Variants in STK3 observed in about 807,000 individuals in gnomAD.
STK3 encodes serine/threonine kinase 3.
A neutral mutation model predicts 58.0 loss-of-function variants in STK3; 41 were observed. The ratio of observed to expected loss-of-function variants is 0.71; its 90% CI spans 0.55 to 0.92. The LOEUF (loss-of-function observed/expected upper bound fraction) is 0.92, where lower values mean the gene tolerates loss of function less well. Ranked by LOEUF, STK3 falls within the 40% of genes least tolerant of loss-of-function variation. STK3 has a pLI of 0.00. For synonymous variants in STK3, 170 were observed against 191.0 expected (o/e 0.89, Z 0.91); for missense variants, 479 against 602.7 (o/e 0.79, Z 2.15).
At position 98,689,796 on chromosome 8, in the gene STK3, A is replaced by G. The variant is rs115640297; in HGVS notation, c.684+16671T>C. On this transcript the variant is annotated intron_variant, in intron 6 of 10. Coordinates refer to ENST00000419617, the MANE Select transcript of STK3 (RefSeq NM_006281.4). ...AGCCTGTCTCAAGAAAAAAAAATTT[A>G]TATATATGAGCAAACCAAATCCAGC... is the stretch of plus-strand genomic sequence containing the variant. Among the ~76,000 whole-genome samples the G allele has an allele frequency of 4.2e-3, 646 of 152,130 alleles. 10 individuals carry two copies. The highest frequency in any genetic ancestry group is 0.015 in the African/African-American group (619 of 41,514).
intron 8 of STK3, among the ~76,000 whole-genome samples, chr8:98,548,942 A>C (rs1810943688): frequency 6.6e-6 from 1 of 152,160 alleles, no homozygotes; most frequent in Non-Finnish European, 1.5e-5. Context: ...GAAAAATTTC[A>C]TTCCTTTTTA....
chr8:98,785,036 C>T (rs1252759921), intron 1 of STK3, among the ~76,000 whole-genome samples: 1 of 152,190 alleles, frequency 6.6e-6, no homozygotes, highest in East Asian at 1.9e-4. Flanking sequence ...CTCCATCCTT[C>T]TATACATAGA....
At chr8:98,805,468 G>A (rs572061216) in intron 1 of STK3, among the ~76,000 whole-genome samples, 128 of 152,108 alleles carry the variant, frequency 8.4e-4, no homozygotes, top group Non-Finnish European at 1.5e-3. Context: ...CCAGCTACTC[G>A]GGAGGCTAAG....
intron 6 of STK3, among the ~76,000 whole-genome samples, chr8:98,704,502 A>G (rs1405759320): frequency 6.6e-6 from 1 of 152,212 alleles, no homozygotes; most frequent in Non-Finnish European, 1.5e-5. Context: ...GATAGCTGTC[A>G]AGAATGGCTC....
intron 3 of STK3, among the ~76,000 whole-genome samples, chr8:98,848,851 G>A (rs2131825489): frequency 6.6e-6 from 1 of 152,236 alleles, no homozygotes; most frequent in Admixed American, 6.5e-5. Flanking sequence ...TGCATTTCTT[G>A]TGGAATACCT....
intron 3 of STK3, among the ~76,000 whole-genome samples, chr8:98,833,378 C>T (rs919699718): frequency 3.3e-5 from 5 of 152,052 alleles, no homozygotes; most frequent in African/African-American, 1.2e-4. Flanking sequence ...GTAGATGGAG[C>T]CTCCAGGTAG....
intron 1 of STK3, among the ~76,000 whole-genome samples, chr8:98,915,432 C>CTATATATATA (rs56187203): frequency 0.034 from 3,200 of 93,740 alleles, 207 homozygotes; most frequent in African/African-American, 0.046. Flanking sequence ...ATAAACTTTC[C>CTATATATATA]TATATATATA....
At chr8:98,573,738 T>C (rs1813160307) in intron 8 of STK3, among the ~76,000 whole-genome samples, 1 of 152,120 alleles carries the variant, frequency 6.6e-6, no homozygotes, top group Non-Finnish European at 1.5e-5. Flanking sequence ...ACAGCAGCAC[T>C]CCACTACTTG....
chr8:98,871,975 G>A (rs1315650010), intron 3 of STK3, among the ~76,000 whole-genome samples: 6 of 152,200 alleles, frequency 3.9e-5, no homozygotes, highest in Non-Finnish European at 2.9e-5. Context: ...TATTGGCTGC[G>A]GGTTTGTCAT....
chr8:98,620,969 G>C (rs914328125), intron 6 of STK3, among the ~76,000 whole-genome samples: 1 of 131,946 alleles, frequency 7.6e-6, no homozygotes, highest in Non-Finnish European at 1.5e-5. Context: ...TCGCTCTGTC[G>C]CCCAGGCTGG....
chr8:98,429,618 T>G, intron 3 of STK3: 1 of 538,130 alleles, frequency 1.9e-6, no homozygotes, highest in South Asian at 3.6e-5. Flanking sequence ...CTTTGCACCT[T>G]TCCATGAAAT....
At chr8:98,881,218 C>A (rs560993263), downstream of STK3, 1 of 152,178 alleles carries the variant, frequency 6.6e-6, no homozygotes, top group East Asian at 1.9e-4. Flanking sequence ...TATCAAGCCA[C>A]GAAAAGACAT....
At chr8:98,347,532 A>C in the STK3 span, among the ~76,000 whole-genome samples, 23 of 142,964 alleles carry the variant, frequency 1.6e-4, no homozygotes, top group Non-Finnish European at 1.9e-4. Context: ...AACAAAAAAA[A>C]CCAAAAAAAA....
intron 6 of STK3, among the ~76,000 whole-genome samples, chr8:98,637,969 C>T (rs1165888277): frequency 6.6e-6 from 1 of 152,106 alleles, no homozygotes; most frequent in Non-Finnish European, 1.5e-5. Context: ...TTCTTATAAT[C>T]TATCATGTAA....
rs1015991648 is a variant in STK3 at position 98,933,013 on chromosome 8, G to A, written c.-79+9365C>T. On this transcript the variant is annotated intron_variant, in intron 1 of 1. Coordinates refer to the STK3 transcript ENST00000519420. ...CTCCTGAGCCTCTGTGGCCACATAGGTAAAATGAGAGACCTGGGTTATATC... is the reference window on the plus strand; with the variant it reads ...CTCCTGAGCCTCTGTGGCCACATAGATAAAATGAGAGACCTGGGTTATATC... Among the ~76,000 whole-genome samples the A allele has an allele frequency of 2.6e-5, 4 of 152,210 alleles. No homozygotes were observed. In the East Asian group the frequency reaches 7.7e-4, roughly 29 times the overall value.
chr8:98,788,657 G>C (rs1832625215), intron 1 of STK3, among the ~76,000 whole-genome samples: 1 of 151,844 alleles, frequency 6.6e-6, no homozygotes, highest in Non-Finnish European at 1.5e-5. Context: ...AAACTTTAAA[G>C]CAACAGCCAT....
rs958415323 is a variant in STK3 at position 98,421,180 on chromosome 8, G to C, written n.483+12947C>G. 9.9e-5 allele frequency among the ~76,000 whole-genome samples: 15 copies of C among 152,196 alleles called. 1 individual carries two copies. Among genetic ancestry groups the C allele is most frequent in the Admixed American group, 9.2e-4 (14 of 15,290 alleles). ...TCCCAGAAGGTAGGGCCAGTGAGAG[G>C]GGATGGGGGCTTCAGTTCAGCTGTC... On this transcript the variant is annotated intron_variant and non_coding_transcript_variant, in intron 3 of 3. Coordinates refer to the STK3 transcript ENST00000517832.
chr8:98,908,380 T>A (rs1339943682), intron 1 of STK3, among the ~76,000 whole-genome samples: 2 of 152,254 alleles, frequency 1.3e-5, no homozygotes, highest in African/African-American at 2.4e-5. Flanking sequence ...TGACCTAATG[T>A]CTAGGTATTA....
chr8:98,344,027 C>T, the STK3 span, among the ~76,000 whole-genome samples: 1 of 152,136 alleles, frequency 6.6e-6, no homozygotes, highest in Non-Finnish European at 1.5e-5. Flanking sequence ...TAGGATTATA[C>T]ACAGGATTCC....
Sources: allele counts gnomAD v4.1 joint callset (sites outside exome capture counted in the v4.1 genomes callset), GRCh38; gene constraint gnomAD v4.1.1; transcripts MANE v1.5; gene names NCBI Gene and HGNC (gene_info 2026-07-23, HGNC 2026-07-21).